ABCD3: variants seen among roughly 807,000 people sequenced by gnomAD.
The protein encoded by ABCD3 is ATP binding cassette subfamily D member 3.
ABCD3 carries 41 observed loss-of-function variants against 105.5 expected under a neutral mutation model. That is an observed-to-expected ratio of 0.39 (90% CI 0.30 to 0.50). The LOEUF is 0.50. Ranked by LOEUF, ABCD3 falls within the 20% of genes least tolerant of loss-of-function variation. The pLI is 0.84. For synonymous variants in ABCD3, 258 were observed against 269.0 expected, an observed-to-expected ratio of 0.96 and a Z score of 0.40; for missense variants, 622 against 806.3, an observed-to-expected ratio of 0.77 and a Z score of 2.77.
chr1:94,478,380 A>G (rs1378800375), intron 8 of ABCD3, 65 bp downstream of exon 8: 2 of 1,311,738 alleles, frequency 1.5e-6, no homozygotes, highest in Non-Finnish European at 2.2e-6. Context: ...CATATTGTGA[A>G]TAGCTTGATG....
chr1:94,515,572 C>G (rs575560794), intron 22 of ABCD3, among the ~76,000 whole-genome samples: 3 of 151,984 alleles, frequency 2.0e-5, no homozygotes, highest in African/African-American at 7.2e-5. Context: ...TAATAGAGGT[C>G]AGGACTACAA....
intron 1 of ABCD3, chr1:94,419,200 CTTTGGTCGGTGAACA>C (rs1335946467): frequency 7.2e-6 from 6 of 834,516 alleles, no homozygotes; most frequent in Middle Eastern, 6.2e-4. Context: ...TCGGTGAACC[CTTTGGTCGGTGAACA>C]TTTGGTCGGT....
chr1:94,496,700 T>C (rs986953004), intron 16 of ABCD3, among the ~76,000 whole-genome samples: 2 of 132,440 alleles, frequency 1.5e-5, no homozygotes, highest in Admixed American at 7.8e-5. Context: ...TTCTGTTTTT[T>C]TTTTTTTTTT....
the ABCD3 span, among the ~76,000 whole-genome samples, chr1:94,400,026 C>G: frequency 6.6e-6 from 1 of 152,164 alleles, no homozygotes; most frequent in Non-Finnish European, 1.5e-5. Flanking sequence ...GGCTACAGAG[C>G]AAGACCCTGT....
At chr1:94,466,268 A>G (rs1299562059) in intron 3 of ABCD3, among the ~76,000 whole-genome samples, 1 of 152,144 alleles carries the variant, frequency 6.6e-6, no homozygotes. Flanking sequence ...TCCTTCCCTT[A>G]TATTATAAAT....
intron 1 of ABCD3, among the ~76,000 whole-genome samples, chr1:94,450,315 G>A (rs976233899): frequency 6.6e-6 from 1 of 151,972 alleles, no homozygotes; most frequent in African/African-American, 2.4e-5. Context: ...GTTGGGAACA[G>A]GCCCCCCAAA....
chr1:94,475,262 T>G, intron 6 of ABCD3, 22 bp downstream of exon 6: 1 of 1,331,984 alleles, frequency 7.5e-7, no homozygotes, highest in Non-Finnish European at 1.0e-6. Flanking sequence ...CCTATTTTTA[T>G]ATTAAAAATA....
At chr1:94,503,906 CTTTTTTTT>C (rs71097203) in intron 20 of ABCD3, among the ~76,000 whole-genome samples, 2 of 69,804 alleles carry the variant, frequency 2.9e-5, no homozygotes, top group African/African-American at 1.1e-4. Flanking sequence ...ACAAGTGATT[CTTTTTTTT>C]TTTTTTTTTT....
chr1:94,461,249 T>G (rs1647853885), intron 2 of ABCD3, among the ~76,000 whole-genome samples: 1 of 152,092 alleles, frequency 6.6e-6, no homozygotes, highest in Admixed American at 6.6e-5. Context: ...GAAAGCAACT[T>G]AACGTATTTT....
At chr1:94,393,007 G>A in the ABCD3 span, among the ~76,000 whole-genome samples, 1 of 152,026 alleles carries the variant, frequency 6.6e-6, no homozygotes, top group Non-Finnish European at 1.5e-5. Context: ...AGCTACTCGG[G>A]AGGCTGAGGC....
intron 1 of ABCD3, among the ~76,000 whole-genome samples, chr1:94,447,476 A>C (rs942559065): frequency 6.6e-6 from 1 of 152,218 alleles, no homozygotes; most frequent in Non-Finnish European, 1.5e-5. Context: ...AATGGTTTGC[A>C]TTTACAATTC....
intron 21 of ABCD3, among the ~76,000 whole-genome samples, chr1:94,509,908 C>G (rs1650575991): frequency 6.6e-6 from 1 of 152,050 alleles, no homozygotes; most frequent in African/African-American, 2.4e-5. Context: ...TGCTAGCAGT[C>G]TATCAATTTT....
intron 2 of ABCD3, among the ~76,000 whole-genome samples, chr1:94,463,363 G>A (rs1361730794): frequency 6.6e-6 from 1 of 152,156 alleles, no homozygotes; most frequent in Non-Finnish European, 1.5e-5. Flanking sequence ...TGTCTATAAA[G>A]CCTTAGCACA....
intron 21 of ABCD3, among the ~76,000 whole-genome samples, chr1:94,512,846 A>G (rs1650749045): frequency 6.6e-6 from 1 of 152,088 alleles, no homozygotes; most frequent in African/African-American, 2.4e-5. Context: ...AATGAGGTAG[A>G]TGAGGATTTT....
rs540569898 is a variant in ABCD3 at position 94,475,157 on chromosome 1, T to C, written c.420T>C (p.Asn140=). 1 of 1,599,660 alleles carries C rather than the reference T, an allele frequency of 6.3e-7. No homozygotes were observed. The highest frequency in any genetic ancestry group is 1.3e-5 in the African/African-American group (1 of 74,838). The change falls in exon 6 of 23, where the codon AAT becomes AAC. Residue 140 remains asparagine, a synonymous_variant. Coordinates refer to ENST00000370214, the MANE Select transcript of ABCD3 (RefSeq NM_002858.4). ...GTTTGTTTTAGATCTCTCTGGTTAATAACTTCTTGAAGTATGGGTTAAATG... is the reference window on the plus strand; with the variant it reads ...GTTTGTTTTAGATCTCTCTGGTTAACAACTTCTTGAAGTATGGGTTAAATG... ...IAAMPLISLV[N]NFLKYGLNEL...
At chr1:94,457,365 G>C (rs1020106846) in intron 1 of ABCD3, among the ~76,000 whole-genome samples, 2 of 152,166 alleles carry the variant, frequency 1.3e-5, no homozygotes, top group African/African-American at 2.4e-5. Flanking sequence ...TTGTAGTTAA[G>C]TTTGGCTTTT....
chr1:94,437,193 T>C (rs1659939448), intron 1 of ABCD3, among the ~76,000 whole-genome samples: 5 of 152,222 alleles, frequency 3.3e-5, no homozygotes, highest in Admixed American at 3.3e-4. Context: ...AAAGGTGGAC[T>C]ATACTAAACT....
chr1:94,457,347 C>T (rs1343160950), intron 1 of ABCD3, among the ~76,000 whole-genome samples: 2 of 152,004 alleles, frequency 1.3e-5, no homozygotes, highest in Non-Finnish European at 2.9e-5. Flanking sequence ...TTAAAATAAG[C>T]GCATCTATTG....
At chr1:94,405,896 C>A in the ABCD3 span, among the ~76,000 whole-genome samples, 2 of 151,778 alleles carry the variant, frequency 1.3e-5, no homozygotes, top group Non-Finnish European at 2.9e-5. Flanking sequence ...TTTGACTTTG[C>A]TTATGGTTTT....
Sources: gnomAD v4.1 joint callset for allele counts (sites outside exome capture counted in the v4.1 genomes callset) on GRCh38, gnomAD v4.1.1 for gene constraint, MANE v1.5 for transcripts, NCBI Gene and HGNC (gene_info 2026-07-23, HGNC 2026-07-21) for gene names.